The following CDH13 variants were observed in gnomAD, a reference collection of about 807,000 sequenced individuals.
The protein encoded by CDH13 is cadherin 13.
CDH13 carries 24 observed loss-of-function variants against 63.8 expected under a neutral mutation model. The observed-to-expected ratio is 0.38, with a 90% CI of 0.27 to 0.53. CDH13 has a LOEUF of 0.53. Ranked by LOEUF, CDH13 falls within the 20% of genes least tolerant of loss-of-function variation. CDH13 has a pLI of 0.85. For synonymous variants in CDH13, 503 were observed against 355.3 expected, an observed-to-expected ratio of 1.42 and a Z score of -4.67; for missense variants, 1,049 against 903.1, an observed-to-expected ratio of 1.16 and a Z score of -2.07.
intron 1 of CDH13, among the ~76,000 whole-genome samples, chr16:82,763,748 T>C (rs2034943353): frequency 6.6e-6 from 1 of 152,202 alleles, no homozygotes; most frequent in African/African-American, 2.4e-5. Flanking sequence ...CAGTGTGCGA[T>C]CACAGCTCAC....
chr16:82,830,711 A>G (rs1211145797), intron 1 of CDH13, among the ~76,000 whole-genome samples: 1 of 152,186 alleles, frequency 6.6e-6, no homozygotes, highest in African/African-American at 2.4e-5. Context: ...TCATAGCTGT[A>G]TTGACACATG....
At chr16:82,923,188 G>A (rs2042208859) in intron 2 of CDH13, among the ~76,000 whole-genome samples, 1 of 152,178 alleles carries the variant, frequency 6.6e-6, no homozygotes, top group Non-Finnish European at 1.5e-5. Context: ...ATGCAATAAA[G>A]GGAAGCATAA....
chr16:82,780,876 T>A (rs2035722973), intron 1 of CDH13, among the ~76,000 whole-genome samples: 1 of 152,250 alleles, frequency 6.6e-6, no homozygotes, highest in Non-Finnish European at 1.5e-5. Context: ...AAGGGTTATA[T>A]TTCATTCTAC....
Position 83,799,919 on chromosome 16 carries a change from G to A in CDH13, c.*4889G>A, listed in dbSNP as rs1285237936. 2 of 151,630 alleles carry A rather than the reference G, an allele frequency of 1.3e-5. No individual in the cohort carries two copies. Among genetic ancestry groups the A allele is most frequent in the East Asian group, 3.9e-4 (2 of 5,174 alleles). 9.4% of individuals were successfully genotyped at this position (151,630 alleles called of 1,614,324 possible). ...TGGTGGGAATGGGTGTGTGTATGAG[G>A]GTTTCAGATAAGAACTTCAATTATA... On this transcript the variant is annotated 3_prime_UTR_variant, in exon 14 of 14. Transcript: ENST00000567109.
intron 2 of CDH13, among the ~76,000 whole-genome samples, chr16:82,929,156 G>A (rs558206343): frequency 3.2e-4 from 49 of 152,194 alleles, no homozygotes; most frequent in African/African-American, 1.2e-3. Context: ...GTTCACTAAA[G>A]TATAGCATAT....
At chr16:83,427,036 C>T (rs948533873) in intron 6 of CDH13, among the ~76,000 whole-genome samples, 3 of 145,802 alleles carry the variant, frequency 2.1e-5, no homozygotes, top group African/African-American at 5.1e-5. Flanking sequence ...ACGCCATTCT[C>T]CTGCCTTAGC....
intron 2 of CDH13, among the ~76,000 whole-genome samples, chr16:82,900,836 C>A (rs140724195): frequency 6.6e-6 from 1 of 152,196 alleles, no homozygotes; most frequent in Non-Finnish European, 1.5e-5. Context: ...CCAAGAAATT[C>A]TATGGCAGAA....
chr16:82,702,072 C>T (rs2031075850), intron 1 of CDH13, among the ~76,000 whole-genome samples: 1 of 152,174 alleles, frequency 6.6e-6, no homozygotes, highest in African/African-American at 2.4e-5. Flanking sequence ...CCCACTTGGC[C>T]TTCTGTCCTT....
chr16:82,733,254 C>A (rs982433164), intron 1 of CDH13, among the ~76,000 whole-genome samples: 1 of 152,210 alleles, frequency 6.6e-6, no homozygotes, highest in South Asian at 2.1e-4. Context: ...ATTGCATTGT[C>A]GATTGTGTGG....
chr16:82,764,978 C>G (rs1191199311), intron 1 of CDH13, among the ~76,000 whole-genome samples: 1 of 152,016 alleles, frequency 6.6e-6, no homozygotes, highest in African/African-American at 2.4e-5. Context: ...CTATGCCTGG[C>G]TAATTTCTTG....
At chr16:83,699,739 C>A (rs1407214407) in intron 10 of CDH13, among the ~76,000 whole-genome samples, 1 of 152,198 alleles carries the variant, frequency 6.6e-6, no homozygotes, top group South Asian at 2.1e-4. Context: ...AGGGCAGTTA[C>A]ATCACATCAC....
intron 3 of CDH13, among the ~76,000 whole-genome samples, chr16:83,105,046 A>G (rs2034696979): frequency 6.6e-6 from 1 of 152,032 alleles, no homozygotes; most frequent in African/African-American, 2.4e-5. Flanking sequence ...CACGCACAGG[A>G]TGTGCAGGTT....
At chr16:83,506,245 T>C (rs1023221813) in intron 7 of CDH13, among the ~76,000 whole-genome samples, 1 of 152,188 alleles carries the variant, frequency 6.6e-6, no homozygotes, top group African/African-American at 2.4e-5. Flanking sequence ...CAAGCTCCTC[T>C]GTATCCTCTC....
intron 6 of CDH13, among the ~76,000 whole-genome samples, chr16:83,369,444 G>A (rs1409019224): frequency 1.3e-5 from 2 of 151,814 alleles, no homozygotes; most frequent in African/African-American, 2.4e-5. Flanking sequence ...TTTTTGAGCT[G>A]GGGTCTCCTG....
At chr16:83,665,362 G>T (rs1340022016) in intron 8 of CDH13, among the ~76,000 whole-genome samples, 1 of 152,096 alleles carries the variant, frequency 6.6e-6, no homozygotes, top group Non-Finnish European at 1.5e-5. Context: ...AACAAATACT[G>T]ACTCCTTGTT....
At chr16:83,600,328 A>C (rs1907666876) in intron 7 of CDH13, among the ~76,000 whole-genome samples, 1 of 152,162 alleles carries the variant, frequency 6.6e-6, no homozygotes, top group Non-Finnish European at 1.5e-5. Flanking sequence ...GGAGCACACT[A>C]ACTTCCCACT....
chr16:83,712,939 G>T (rs1908286050), intron 10 of CDH13, among the ~76,000 whole-genome samples: 1 of 152,218 alleles, frequency 6.6e-6, no homozygotes, highest in African/African-American at 2.4e-5. Flanking sequence ...AAGTGACTTT[G>T]AAGTAACAGT....
At chr16:83,420,880 A>G (rs149681556) in intron 6 of CDH13, among the ~76,000 whole-genome samples, 6 of 152,328 alleles carry the variant, frequency 3.9e-5, no homozygotes, top group African/African-American at 1.4e-4. Context: ...TCTGATGTTC[A>G]AGGGCAAGAG....
chr16:82,794,498 C>A (rs1451493815), intron 1 of CDH13, among the ~76,000 whole-genome samples: 1 of 151,476 alleles, frequency 6.6e-6, no homozygotes, highest in Admixed American at 6.6e-5. Flanking sequence ...CAGAGACCAA[C>A]GGCTAGGAAT....
Sources: allele counts gnomAD v4.1 joint callset (sites outside exome capture counted in the v4.1 genomes callset), GRCh38; gene constraint gnomAD v4.1.1; transcripts MANE v1.5; gene names NCBI Gene and HGNC (gene_info 2026-07-23, HGNC 2026-07-21).